SULT1C3: variants seen among roughly 807,000 people sequenced by gnomAD.
SULT1C3 encodes sulfotransferase 1C3.
A neutral mutation model predicts 28.4 loss-of-function variants in SULT1C3; 31 were observed. That is an observed-to-expected ratio of 1.09 (90% CI 0.82 to 1.47). The LOEUF is 1.47. Among genes scored for constraint, SULT1C3 ranks in the 40% most tolerant of loss-of-function variants. The pLI, the probability that SULT1C3 is intolerant of heterozygous loss-of-function variation, is 0.00. For synonymous variants in SULT1C3, 106 were observed against 92.2 expected (o/e 1.15, Z -0.86); for missense variants, 307 against 272.5 (o/e 1.13, Z -0.89).
chr2:108,244,193 C>A (rs1408084954), intron 1 of SULT1C3, among the ~76,000 whole-genome samples: 1 of 152,046 alleles, frequency 6.6e-6, no homozygotes, highest in East Asian at 1.9e-4. Flanking sequence ...CCTTATTATC[C>A]CCTTTACTGG....
At chr2:108,246,405 G>A (rs772979911) in intron 1 of SULT1C3, among the ~76,000 whole-genome samples, 1 of 152,206 alleles carries the variant, frequency 6.6e-6, no homozygotes, top group African/African-American at 2.4e-5. Flanking sequence ...AAAGTTCCAC[G>A]TATCTGGGGA....
At chr2:108,248,834 C>T (rs572204578) in intron 2 of SULT1C3, among the ~76,000 whole-genome samples, 1 of 152,250 alleles carries the variant, frequency 6.6e-6, no homozygotes, top group African/African-American at 2.4e-5. Flanking sequence ...TGCTATTAAA[C>T]TATCTAATCA....
intron 1 of SULT1C3, among the ~76,000 whole-genome samples, chr2:108,240,350 A>T (rs1175851234): frequency 6.6e-6 from 1 of 152,206 alleles, no homozygotes; most frequent in Non-Finnish European, 1.5e-5. Flanking sequence ...ATGAGATGCT[A>T]AATGCATTCA....
At chr2:108,242,365 A>T (rs142835489) in intron 1 of SULT1C3, among the ~76,000 whole-genome samples, 12 of 152,338 alleles carry the variant, frequency 7.9e-5, no homozygotes, top group African/African-American at 2.4e-4. Flanking sequence ...CCAGTTTTTT[A>T]ATTGGATTAC....
Position 108,247,215 on chromosome 2 carries a change from C to A in SULT1C3, c.21C>A (p.Asn7Lys). Residue 7 changes from asparagine to lysine, a missense_variant, in exon 2 of 8, where the codon AAC becomes AAA. Transcript: ENST00000681802. Reference protein sequence around the residue: MAKIEKNAPTMEKKPEL... With the variant: MAKIEKKAPTMEKKPEL... ...TCCCAATGGCGAAGATTGAGAAAAA[C>A]GCTCCCACGATGGAAAAAAAGCCAG... 2.6e-6 allele frequency: 4 copies of A among 1,524,606 alleles called. No homozygotes were observed. Among genetic ancestry groups the A allele is most frequent in the East Asian group, 2.4e-5 (1 of 42,462 alleles). 94.4% of individuals were successfully genotyped at this position (1,524,606 alleles called of 1,614,324 possible).
chr2:108,249,140 G>A (rs1675664719), intron 2 of SULT1C3, among the ~76,000 whole-genome samples: 1 of 152,006 alleles, frequency 6.6e-6, no homozygotes, highest in East Asian at 1.9e-4. Context: ...TTTTAGCCTA[G>A]TGAGACCCTA....
At chr2:108,260,055 T>C (rs111411844) in intron 7 of SULT1C3, among the ~76,000 whole-genome samples, 2,137 of 152,284 alleles carry the variant, frequency 0.014, 20 homozygotes, top group South Asian at 0.046. Context: ...AATTCATTAG[T>C]ACAGCATTTG....
At chr2:108,258,063 C>A (rs1037269604) in intron 5 of SULT1C3, among the ~76,000 whole-genome samples, 1 of 152,124 alleles carries the variant, frequency 6.6e-6, no homozygotes, top group African/African-American at 2.4e-5. Context: ...TTCAAGTCCA[C>A]TTAGCACAAT....
intron 2 of SULT1C3, 62 bp from the exon 3 acceptor site, chr2:108,252,303 T>C: frequency 6.7e-7 from 1 of 1,491,230 alleles, no homozygotes. Context: ...TTCAAAATAT[T>C]CAATAACTTA....
chr2:108,260,899 A>C (rs549639314), downstream of SULT1C3, among the ~76,000 whole-genome samples: 2 of 152,288 alleles, frequency 1.3e-5, no homozygotes, highest in East Asian at 3.9e-4. Flanking sequence ...GTCCGCCTAC[A>C]TGAGTTTTTT....
At chr2:108,264,595 T>G (rs1676090794), downstream of SULT1C3, among the ~76,000 whole-genome samples, 1 of 152,182 alleles carries the variant, frequency 6.6e-6, no homozygotes, top group Non-Finnish European at 1.5e-5. Context: ...TTATGCTTAA[T>G]TCCTTTCCTT....
chr2:108,259,692 A>G (rs911196984), intron 7 of SULT1C3, among the ~76,000 whole-genome samples: 5 of 152,138 alleles, frequency 3.3e-5, no homozygotes, highest in Non-Finnish European at 7.4e-5. Flanking sequence ...AACCTAGTAT[A>G]GAGACTCATA....
At chr2:108,240,923 C>T (rs1186126836) in intron 1 of SULT1C3, among the ~76,000 whole-genome samples, 1 of 152,240 alleles carries the variant, frequency 6.6e-6, no homozygotes, top group East Asian at 1.9e-4. Context: ...GTTACATCTA[C>T]ATATGCCTTT....
At chr2:108,252,216 G>A in intron 2 of SULT1C3, 149 bp from the exon 3 acceptor site, 2 of 641,800 alleles carry the variant, frequency 3.1e-6, no homozygotes, top group African/African-American at 1.8e-5. Context: ...GATAGATGCA[G>A]GTATAATACA....
intron 1 of SULT1C3, among the ~76,000 whole-genome samples, chr2:108,243,990 T>G (rs1202704202): frequency 6.6e-6 from 1 of 152,200 alleles, no homozygotes; most frequent in Admixed American, 6.5e-5. Context: ...GTGGCCAAGT[T>G]TGTTACTATT....
chr2:108,254,717 G>A (rs1323160072), intron 4 of SULT1C3, among the ~76,000 whole-genome samples: 1 of 145,044 alleles, frequency 6.9e-6, no homozygotes, highest in Admixed American at 6.8e-5. Context: ...ATATATGTAT[G>A]TATATATATG....
Position 108,252,459 on chromosome 2 carries a change from C to T in SULT1C3, c.267C>T (p.Phe89=), listed in dbSNP as rs1675755757. The T allele has an allele frequency of 1.2e-6, 2 of 1,612,396 alleles. No individual in the cohort carries two copies. Among genetic ancestry groups the T allele is most frequent in the Non-Finnish European group, 1.7e-6 (2 of 1,179,084 alleles). ...CCCAGACTCTAGATAGACACGCTTT[C>T]CTTGAACTGAAATTTCCCCATAAAG... ...KRAQTLDRHA[F]LELKFPHKEK... is the part of the protein sequence containing the mutation. Residue 89 remains phenylalanine, a synonymous_variant, in exon 3 of 8, where the codon TTC becomes TTT. Coordinates refer to ENST00000681802, the MANE Select transcript of SULT1C3 (RefSeq NM_001320878.2).
intron 4 of SULT1C3, among the ~76,000 whole-genome samples, 176 bp downstream of exon 4, chr2:108,253,618 C>T (rs1675789322): frequency 1.3e-5 from 2 of 152,054 alleles, no homozygotes; most frequent in Non-Finnish European, 2.9e-5. Flanking sequence ...TGCAAACATC[C>T]ATGTTTTCTA....
chr2:108,250,798 C>T (rs1675708981), intron 2 of SULT1C3, among the ~76,000 whole-genome samples: 1 of 151,902 alleles, frequency 6.6e-6, no homozygotes, highest in Non-Finnish European at 1.5e-5. Context: ...AAAATTCAGA[C>T]ACATGAGGAC....
Sources: gnomAD v4.1 joint callset for allele counts (sites outside exome capture counted in the v4.1 genomes callset) on GRCh38, gnomAD v4.1.1 for gene constraint, MANE v1.5 for transcripts, NCBI Gene and HGNC (gene_info 2026-07-23, HGNC 2026-07-21) for gene names.